The following MARK2 variants were observed in gnomAD, a reference collection of about 807,000 sequenced individuals.
MARK2 encodes serine/threonine-protein kinase MARK2.
In MARK2, 16 loss-of-function variants were observed where a neutral mutation model predicts 89.8. The observed-to-expected ratio is 0.18, with a 90% CI of 0.12 to 0.27. The LOEUF (loss-of-function observed/expected upper bound fraction) is 0.27. Among genes scored for constraint, MARK2 ranks in the 10% least tolerant of loss-of-function variants. MARK2 has a pLI of 1.00. For missense variants in MARK2, 621 were observed against 1,049.9 expected (o/e 0.59, Z 5.65); for synonymous variants, 382 against 399.5 (o/e 0.96, Z 0.52).
chr11:63,865,194 T>C (rs1277856942), intron 1 of MARK2, among the ~76,000 whole-genome samples: 2 of 152,188 alleles, frequency 1.3e-5, no homozygotes, highest in African/African-American at 4.8e-5. Flanking sequence ...TCCAGCCCAG[T>C]TATGTAGTTA....
intron 1 of MARK2, among the ~76,000 whole-genome samples, chr11:63,857,918 T>C (rs1200039113): frequency 6.6e-6 from 1 of 152,068 alleles, no homozygotes; most frequent in Non-Finnish European, 1.5e-5. Flanking sequence ...TCTCGGCTCA[T>C]TGCAGTCTCA....
intron 1 of MARK2, among the ~76,000 whole-genome samples, chr11:63,881,582 A>G (rs760738074): frequency 6.6e-6 from 1 of 152,120 alleles, no homozygotes; most frequent in African/African-American, 2.4e-5. Flanking sequence ...CTGAGGGTAT[A>G]TGAAGGTGAG....
At chr11:63,867,952 T>TTATCTC (rs780506967) in intron 1 of MARK2, among the ~76,000 whole-genome samples, 7 of 152,372 alleles carry the variant, frequency 4.6e-5, no homozygotes, top group Non-Finnish European at 1.0e-4. Flanking sequence ...TGATTTGTGC[T>TTATCTC]TATCTCCTAC....
intron 1 of MARK2, among the ~76,000 whole-genome samples, chr11:63,878,383 T>C (rs1938897044): frequency 8.9e-6 from 1 of 112,680 alleles, no homozygotes; most frequent in African/African-American, 3.0e-5. Flanking sequence ...TTTTTTTTTT[T>C]TGAGACAGAG....
At chr11:63,847,399 G>A (rs1008358486) in intron 1 of MARK2, among the ~76,000 whole-genome samples, 3 of 152,186 alleles carry the variant, frequency 2.0e-5, no homozygotes, top group Admixed American at 6.5e-5. Context: ...CTGGCAGAAA[G>A]AGAGGAGGGC....
chr11:63,894,025 C>A (rs1940144467), intron 1 of MARK2, among the ~76,000 whole-genome samples: 1 of 152,170 alleles, frequency 6.6e-6, no homozygotes, highest in South Asian at 2.1e-4. Flanking sequence ...GTTTATATGC[C>A]TCTTCAGTGC....
At chr11:63,882,004 A>G (rs1939118220) in intron 1 of MARK2, among the ~76,000 whole-genome samples, 1 of 151,954 alleles carries the variant, frequency 6.6e-6, no homozygotes, top group South Asian at 2.1e-4. Flanking sequence ...GAGAGTCTAG[A>G]GAAGTGAGTC....
chr11:63,876,940 C>G (rs1248002061), intron 1 of MARK2, among the ~76,000 whole-genome samples: 1 of 151,996 alleles, frequency 6.6e-6, no homozygotes, highest in Non-Finnish European at 1.5e-5. Flanking sequence ...AGTGCCATTC[C>G]CAGGTTCATA....
At position 63,902,505 on chromosome 11, in the gene MARK2, G is replaced by C; in HGVS notation, c.1235-96G>C. On this transcript the variant is annotated intron_variant, in intron 12 of 18. Coordinates refer to ENST00000402010, the MANE Select transcript of MARK2 (RefSeq NM_001039469.3). This position sits in a 1 kb window ranked among gnomAD's most constrained non-coding sequence, Gnocchi z 4.2. ...CGCCTCTGTGGAATGGGGGCTTGCT[G>C]GGTTGTTGGCCAGCCCTGTAGGAAA... is the stretch of plus-strand genomic sequence containing the variant. 7.1e-7 allele frequency: 1 copy of C among 1,405,296 alleles called. No homozygotes were observed. Among genetic ancestry groups the C allele is most frequent in the Non-Finnish European group, 9.8e-7 (1 of 1,015,662 alleles). 87.1% of individuals were successfully genotyped at this position (1,405,296 alleles called of 1,614,324 possible).
intron 1 of MARK2, among the ~76,000 whole-genome samples, chr11:63,855,013 A>T (rs933778981): frequency 3.3e-5 from 5 of 152,186 alleles, no homozygotes; most frequent in Non-Finnish European, 5.9e-5. Flanking sequence ...GAACAAAGTG[A>T]GCCTGTCATT....
At chr11:63,901,692 CTGTGTGTGTG>C (rs56308004) in intron 11 of MARK2, among the ~76,000 whole-genome samples, 1 of 134,710 alleles carries the variant, frequency 7.4e-6, no homozygotes, top group South Asian at 2.4e-4. Context: ...GTGTGTGTAT[CTGTGTGTGTG>C]TGTGTGTGTG....
At chr11:63,860,629 C>T (rs537239263) in intron 1 of MARK2, among the ~76,000 whole-genome samples, 143 of 151,444 alleles carry the variant, frequency 9.4e-4, no homozygotes, top group African/African-American at 1.9e-4. Context: ...GAGGCCAGGG[C>T]GGGTGGATCA....
chr11:63,896,661 A>C (rs1352052206), intron 3 of MARK2, among the ~76,000 whole-genome samples: 3 of 152,228 alleles, frequency 2.0e-5, no homozygotes, highest in Non-Finnish European at 4.4e-5. Context: ...AGCCAGAACC[A>C]AGGTGTTTCC....
At chr11:63,859,733 G>A (rs1466759446) in intron 1 of MARK2, among the ~76,000 whole-genome samples, 1 of 152,002 alleles carries the variant, frequency 6.6e-6, no homozygotes, top group African/African-American at 2.4e-5. Context: ...CCAGATTCAA[G>A]CAAATCTCCT....
intron 18 of MARK2, 32 bp from the exon 19 acceptor site, chr11:63,908,845 C>CT (rs1214159506): frequency 1.4e-6 from 2 of 1,436,248 alleles, no homozygotes; most frequent in Non-Finnish European, 1.8e-6. Context: ...GCCTCAGCCC[C>CT]CCCGTGACGC....
intron 1 of MARK2, among the ~76,000 whole-genome samples, chr11:63,862,995 C>T (rs1434112244): frequency 3.3e-5 from 5 of 152,208 alleles, no homozygotes. Context: ...CACACAGGCA[C>T]AGAGCTACTT....
intron 1 of MARK2, among the ~76,000 whole-genome samples, chr11:63,861,924 CTTT>C (rs71039682): frequency 3.1e-5 from 3 of 97,656 alleles, no homozygotes; most frequent in African/African-American, 4.4e-5. Flanking sequence ...TTCTTTCTTT[CTTT>C]TTTTTTTTTT....
Position 63,903,973 on chromosome 11 carries a change from T to C in MARK2, c.1515-13T>C. The C allele has an allele frequency of 6.3e-7, 1 of 1,593,032 alleles. No homozygotes were observed. The highest frequency in any genetic ancestry group is 2.3e-5 in the East Asian group (1 of 44,310). On this transcript the variant is annotated splice_polypyrimidine_tract_variant and intron_variant, in intron 14 of 18. Coordinates refer to ENST00000402010, the MANE Select transcript of MARK2 (RefSeq NM_001039469.3). The surrounding 1 kb of genome is among the most constrained non-coding windows in gnomAD (Gnocchi z 5.1). The stretch of plus-strand genomic sequence containing the variant: ...CCCCTAACACGGGCCTCTCCGCTGC[T>C]TTTGTTTCCTAGCCTAACCATGCCA...
rs901748736 is a variant in MARK2, at chr11:63,899,808, T to A, written c.532-66T>A. On this transcript the variant is annotated intron_variant, in intron 7 of 18. Coordinates refer to ENST00000402010, the MANE Select transcript of MARK2 (RefSeq NM_001039469.3). ...CGTTTGTTCTCCCATTCCCCTCAGC[T>A]CCTTCCTGCCCAGGGCCTTAGTCTG... 6.3e-5 allele frequency: 65 copies of A among 1,037,454 alleles called. No individual in the cohort carries two copies. The African/African-American group carries it at 8.9e-4, about 14-fold the overall frequency. The allele number at this position is 1,037,454 out of a possible 1,614,324, so 64.3% of individuals were successfully genotyped here.
Sources: allele counts gnomAD v4.1 joint callset (sites outside exome capture counted in the v4.1 genomes callset), GRCh38; gene constraint gnomAD v4.1.1; non-coding constraint Gnocchi (gnomAD v3.1); transcripts MANE v1.5; gene names NCBI Gene and HGNC (gene_info 2026-07-23, HGNC 2026-07-21).